Variants in LDLRAD4 observed in about 807,000 individuals in gnomAD.
The protein encoded by LDLRAD4 is low-density lipoprotein receptor class A domain-containing protein 4.
In LDLRAD4, 5 loss-of-function variants were observed where a neutral mutation model predicts 17.0. The ratio of observed to expected loss-of-function variants is 0.29; its 90% CI spans 0.15 to 0.62. LDLRAD4 has a LOEUF of 0.62. Ranked by LOEUF, LDLRAD4 falls within the 20% of genes least tolerant of loss-of-function variation. The pLI, the probability that LDLRAD4 is intolerant of heterozygous loss-of-function variation, is 0.84. For synonymous variants in LDLRAD4, 168 were observed against 171.8 expected (o/e 0.98, Z 0.17); for missense variants, 340 against 424.7 (o/e 0.80, Z 1.75).
At position 13,621,085 on chromosome 18, in the gene LDLRAD4, A is replaced by G. The variant is rs2040584975; in HGVS notation, c.182-32A>G. 3 of 1,613,982 alleles carry G rather than the reference A, an allele frequency of 1.9e-6. No individual in the cohort carries two copies. In the East Asian group the frequency reaches 6.7e-5, roughly 36 times the overall value. On this transcript the variant is annotated intron_variant, in intron 3 of 5. Transcript: ENST00000359446. This position sits in a 1 kb window ranked among gnomAD's most constrained non-coding sequence, Gnocchi z 5.5. ...AGAATGGGTGGGGACTGGAGGGGCC[A>G]GGTGGCTAACCACTCTCCTCTTCCA... is the stretch of plus-strand genomic sequence containing the variant.
intron 3 of LDLRAD4, among the ~76,000 whole-genome samples, chr18:13,586,566 T>TA (rs1176322090): frequency 2.0e-4 from 31 of 151,930 alleles, no homozygotes; most frequent in African/African-American, 7.0e-4. Context: ...CACACATCCA[T>TA]ATATACAAGG....
intron 3 of LDLRAD4, among the ~76,000 whole-genome samples, chr18:13,476,985 C>G (rs192554761): frequency 2.8e-4 from 43 of 152,262 alleles, no homozygotes; most frequent in African/African-American, 9.6e-4. Context: ...TTTTTGATGT[C>G]TCAAGAAAAC....
At chr18:13,513,369 C>A (rs1430216769) in intron 3 of LDLRAD4, among the ~76,000 whole-genome samples, 1 of 152,226 alleles carries the variant, frequency 6.6e-6, no homozygotes, top group African/African-American at 2.4e-5. Context: ...CCGTGTTAAC[C>A]ACTGTGGGCT....
chr18:13,247,960 C>T (rs868796856), intron 1 of LDLRAD4, among the ~76,000 whole-genome samples: 1 of 132,016 alleles, frequency 7.6e-6, no homozygotes, highest in African/African-American at 2.9e-5. Flanking sequence ...CGCCCCCCGC[C>T]TTTTTTTTTT....
chr18:13,596,199 C>T (rs1230064147), intron 3 of LDLRAD4, among the ~76,000 whole-genome samples: 1 of 152,086 alleles, frequency 6.6e-6, no homozygotes. Context: ...CACCAGTTTT[C>T]TTATGACTGT....
chr18:13,324,942 C>T (rs938128107), intron 1 of LDLRAD4, among the ~76,000 whole-genome samples: 11 of 152,128 alleles, frequency 7.2e-5, no homozygotes, highest in Non-Finnish European at 1.5e-4. Context: ...GGTAGAGGGA[C>T]GTCAATTACG....
At chr18:13,265,659 C>T (rs981196251) in intron 1 of LDLRAD4, among the ~76,000 whole-genome samples, 2 of 152,208 alleles carry the variant, frequency 1.3e-5, no homozygotes, top group African/African-American at 4.8e-5. Context: ...CATCTGGGGA[C>T]TGTCCTCCCC....
At chr18:13,277,691 G>A (rs976027381), upstream of LDLRAD4, among the ~76,000 whole-genome samples, 5 of 152,224 alleles carry the variant, frequency 3.3e-5, no homozygotes, top group Non-Finnish European at 7.3e-5. Context: ...ATGTTGTCTT[G>A]AGACTGGATT....
chr18:13,612,083 C>T (rs2039625393), intron 3 of LDLRAD4: 2 of 985,450 alleles, frequency 2.0e-6, no homozygotes, highest in Non-Finnish European at 1.2e-6. Flanking sequence ...CCTCTCCGGT[C>T]CTTCCACACT....
At chr18:13,381,660 C>G (rs1327746853) in intron 1 of LDLRAD4, among the ~76,000 whole-genome samples, 2 of 152,216 alleles carry the variant, frequency 1.3e-5, no homozygotes, top group African/African-American at 4.8e-5. Context: ...TCTGCACTAT[C>G]CATGAGCTCT....
chr18:13,644,565 CT>C (rs2042897791), intron 5 of LDLRAD4, among the ~76,000 whole-genome samples: 3 of 115,908 alleles, frequency 2.6e-5, no homozygotes, highest in African/African-American at 1.3e-4. Context: ...CAGACCCTGT[CT>C]CAAAAAAAAA....
chr18:13,597,528 C>CTG (rs1402793111), intron 3 of LDLRAD4, among the ~76,000 whole-genome samples: 1 of 151,440 alleles, frequency 6.6e-6, no homozygotes, highest in Non-Finnish European at 1.5e-5. Context: ...CTCTCTCTCT[C>CTG]TCCTTTCCTG....
chr18:13,450,457 G>A (rs1600391245), intron 3 of LDLRAD4, among the ~76,000 whole-genome samples: 1 of 152,106 alleles, frequency 6.6e-6, no homozygotes, highest in Non-Finnish European at 1.5e-5. Context: ...AACATGTTTG[G>A]GGTAGTCACT....
intron 3 of LDLRAD4, among the ~76,000 whole-genome samples, chr18:13,526,910 A>G (rs1369049281): frequency 6.6e-6 from 1 of 150,674 alleles, no homozygotes; most frequent in East Asian, 1.9e-4. Flanking sequence ...TCCTTCCCTC[A>G]CTTCCTTCCC....
chr18:13,360,290 C>A (rs2083585265), intron 1 of LDLRAD4, among the ~76,000 whole-genome samples: 1 of 152,238 alleles, frequency 6.6e-6, no homozygotes, highest in African/African-American at 2.4e-5. Flanking sequence ...ATAAAATATC[C>A]TGTAGAGATT....
At chr18:13,330,837 G>T (rs1296135818) in intron 1 of LDLRAD4, among the ~76,000 whole-genome samples, 1 of 152,134 alleles carries the variant, frequency 6.6e-6, no homozygotes, top group Non-Finnish European at 1.5e-5. Flanking sequence ...ACAGGTGAAG[G>T]TTAAGTTGAT....
intron 1 of LDLRAD4, among the ~76,000 whole-genome samples, chr18:13,360,201 T>C (rs2083579327): frequency 6.6e-6 from 1 of 152,230 alleles, no homozygotes; most frequent in African/African-American, 2.4e-5. Context: ...GCAGGTCATT[T>C]CCTCTCATCA....
chr18:13,637,396 T>C (rs1221875942), intron 4 of LDLRAD4, among the ~76,000 whole-genome samples: 1 of 152,140 alleles, frequency 6.6e-6, no homozygotes, highest in Non-Finnish European at 1.5e-5. Flanking sequence ...TCTTGGTTAA[T>C]GCAGCGCCCA....
intron 1 of LDLRAD4, among the ~76,000 whole-genome samples, chr18:13,263,270 G>T (rs898572974): frequency 4.6e-5 from 7 of 150,916 alleles, no homozygotes; most frequent in African/African-American, 1.5e-4. Flanking sequence ...CGAATCCCAT[G>T]CGGCTCTGTG....
Sources: allele counts gnomAD v4.1 joint callset (sites outside exome capture counted in the v4.1 genomes callset), GRCh38; gene constraint gnomAD v4.1.1; non-coding constraint Gnocchi (gnomAD v3.1); transcripts MANE v1.5; gene names NCBI Gene and HGNC (gene_info 2026-07-23, HGNC 2026-07-21).